SNTG1: variants seen among roughly 807,000 people sequenced by gnomAD.
SNTG1 encodes syntrophin gamma 1, also known as gamma-1-syntrophin.
Under a neutral mutation model 74.7 loss-of-function variants are expected in SNTG1, and 39 were observed. The observed-to-expected ratio is 0.52, with a 90% CI of 0.40 to 0.68. SNTG1 has a LOEUF of 0.68. SNTG1 is among the 30% of genes least tolerant of loss of function. The pLI is 0.00. For synonymous variants in SNTG1, 254 were observed against 217.1 expected, an observed-to-expected ratio of 1.17 and a Z score of -1.49; for missense variants, 685 against 609.5, an observed-to-expected ratio of 1.12 and a Z score of -1.30.
chr8:50,377,448 T>C (rs112976902), intron 2 of SNTG1, among the ~76,000 whole-genome samples: 7,655 of 152,278 alleles, frequency 0.05, 253 homozygotes, highest in Non-Finnish European at 0.071. Context: ...CGTTTTATGT[T>C]TCTTAAAACA....
chr8:50,236,741 C>T (rs1020716456), intron 2 of SNTG1, among the ~76,000 whole-genome samples: 10 of 151,952 alleles, frequency 6.6e-5, no homozygotes, highest in Non-Finnish European at 1.2e-4. Flanking sequence ...TGAGCCACCG[C>T]GCCCGGCCAA....
At position 50,693,776 on chromosome 8, in the gene SNTG1, A is replaced by T. The variant is rs578043490; in HGVS notation, c.1039-10824A>T. Among the ~76,000 whole-genome samples the T allele has an allele frequency of 4.6e-5, 7 of 152,338 alleles. No individual in the cohort carries two copies. The East Asian group carries it at 1.3e-3, about 29-fold the overall frequency. On this transcript the variant is annotated intron_variant, in intron 15 of 18. Transcript: ENST00000642720. ...CATCAAGTACTTTTTCAACCTCAAT[A>T]ATATGAAACTAGAAATCAATAACAG...
intron 2 of SNTG1, among the ~76,000 whole-genome samples, chr8:50,320,937 A>G (rs1901056): frequency 0.47 from 71,990 of 151,968 alleles, 19,463 homozygotes; most frequent in East Asian, 0.83. Context: ...TTAATATGTG[A>G]TCTATCTTTA....
intron 2 of SNTG1, among the ~76,000 whole-genome samples, chr8:50,239,692 C>T (rs1237187256): frequency 6.6e-6 from 1 of 152,140 alleles, no homozygotes; most frequent in East Asian, 1.9e-4. Context: ...GTTCAGGCTT[C>T]CAAATCTTTT....
chr8:50,528,764 C>T (rs310576), intron 9 of SNTG1, among the ~76,000 whole-genome samples: 29,642 of 151,126 alleles, frequency 0.2, 3,013 homozygotes, highest in South Asian at 0.33. Flanking sequence ...CTCCTTCATT[C>T]CTGATGTTGA....
chr8:50,759,185 G>A lies in SNTG1; in HGVS notation c.1395+7074G>A, dbSNP rs543144279. On this transcript the variant is annotated intron_variant, in intron 18 of 18. Transcript: ENST00000642720. ...GTTTTTTTCTCATAAATTTGTTTAA[G>A]TTCTTTGTAGATTCTGGATATTAGT... 2.0e-5 allele frequency among the ~76,000 whole-genome samples: 3 copies of A among 152,090 alleles called. No homozygotes were observed. The East Asian group carries it at 5.8e-4, about 30-fold the overall frequency.
intron 15 of SNTG1, among the ~76,000 whole-genome samples, chr8:50,661,735 TG>T (rs2095224852): frequency 6.6e-6 from 1 of 152,140 alleles, no homozygotes; most frequent in South Asian, 2.1e-4. Context: ...TGGTGTGTGA[TG>T]TTCTACTTGG....
intron 2 of SNTG1, among the ~76,000 whole-genome samples, chr8:50,389,816 T>G (rs1399262606): frequency 3.3e-5 from 5 of 152,214 alleles, no homozygotes; most frequent in Non-Finnish European, 5.9e-5. Context: ...GTTTTGATTT[T>G]CATTTCTCTG....
intron 2 of SNTG1, among the ~76,000 whole-genome samples, chr8:50,340,925 C>T (rs924405182): frequency 7.9e-5 from 12 of 151,910 alleles, no homozygotes; most frequent in Non-Finnish European, 1.3e-4. Context: ...AAGTAAAGCA[C>T]AAATTGCTTC....
intron 12 of SNTG1, among the ~76,000 whole-genome samples, chr8:50,560,875 A>T (rs1238174211): frequency 6.6e-6 from 1 of 152,222 alleles, no homozygotes; most frequent in East Asian, 1.9e-4. Context: ...CTTAAAATAA[A>T]ATTTGATAAA....
intron 11 of SNTG1, among the ~76,000 whole-genome samples, chr8:50,540,468 CA>C (rs2094338372): frequency 6.6e-6 from 1 of 152,048 alleles, no homozygotes; most frequent in Admixed American, 6.6e-5. Context: ...TGAGTATTGT[CA>C]TTTTTTTAGT....
chr8:50,777,644 T>C (rs1461749441), intron 18 of SNTG1, among the ~76,000 whole-genome samples: 1 of 151,800 alleles, frequency 6.6e-6, no homozygotes, highest in African/African-American at 2.4e-5. Context: ...TTTTGAATTT[T>C]TTTTCCATTC....
chr8:49,991,604 T>A (rs1390611584), intron 1 of SNTG1, among the ~76,000 whole-genome samples: 1 of 151,850 alleles, frequency 6.6e-6, no homozygotes, highest in Non-Finnish European at 1.5e-5. Context: ...AGAATAAGAA[T>A]AAGAAATAAG....
chr8:50,614,765 T>G (rs2094875017), intron 13 of SNTG1, among the ~76,000 whole-genome samples: 1 of 152,172 alleles, frequency 6.6e-6, no homozygotes, highest in African/African-American at 2.4e-5. Flanking sequence ...TTATTTGGAT[T>G]TCTTACATTC....
At chr8:50,276,684 G>T (rs1471787472) in intron 2 of SNTG1, among the ~76,000 whole-genome samples, 1 of 151,888 alleles carries the variant, frequency 6.6e-6, no homozygotes, top group Non-Finnish European at 1.5e-5. Flanking sequence ...TCTACCTGAA[G>T]TATTAAATAT....
chr8:50,505,793 C>T (rs1419763353), intron 9 of SNTG1, among the ~76,000 whole-genome samples: 2 of 152,082 alleles, frequency 1.3e-5, no homozygotes, highest in African/African-American at 4.8e-5. Flanking sequence ...TATTTTCTCC[C>T]ATTTCAAAGG....
chr8:50,781,775 C>A (rs1188306603), intron 18 of SNTG1, among the ~76,000 whole-genome samples: 6 of 152,120 alleles, frequency 3.9e-5, no homozygotes, highest in South Asian at 4.1e-4. Flanking sequence ...TGTGCGCGTT[C>A]GTTGATGCAG....
intron 1 of SNTG1, among the ~76,000 whole-genome samples, chr8:50,090,974 C>T (rs1435144612): frequency 6.6e-6 from 1 of 151,982 alleles, no homozygotes. Context: ...TTTAAAAATG[C>T]TGGAAGATGG....
chr8:49,938,914 G>A (rs1275309002), intron 1 of SNTG1, among the ~76,000 whole-genome samples: 1 of 151,862 alleles, frequency 6.6e-6, no homozygotes, highest in Non-Finnish European at 1.5e-5. Flanking sequence ...TTCAGTATGT[G>A]TAAGTGTTTC....
Sources: allele counts gnomAD v4.1 joint callset (sites outside exome capture counted in the v4.1 genomes callset), GRCh38; gene constraint gnomAD v4.1.1; transcripts MANE v1.5; gene names NCBI Gene and HGNC (gene_info 2026-07-23, HGNC 2026-07-21).